Variants in SYNE2 observed in about 807,000 individuals in gnomAD.
SYNE2 encodes the protein spectrin repeat containing nuclear envelope protein 2, also known as nesprin-2.
In SYNE2, 431 loss-of-function variants were observed where a neutral mutation model predicts 856.3. The observed-to-expected ratio is 0.50, with a 90% CI of 0.47 to 0.55. The LOEUF is 0.55. Ranked by LOEUF, SYNE2 falls within the 20% of genes least tolerant of loss-of-function variation. SYNE2 has a pLI of 0.00. For synonymous variants in SYNE2, 2,923 were observed against 2,872.3 expected (o/e 1.02, Z -0.56); for missense variants, 8,129 against 8,023.2 (o/e 1.01, Z -0.50).
Position 63,993,819 on chromosome 14 carries a change from T to A in SYNE2, c.2647-16T>A. 1 of 718,598 alleles carries A rather than the reference T, an allele frequency of 1.4e-6. No individual in the cohort carries two copies. The highest frequency in any genetic ancestry group is 3.9e-5 in the Admixed American group (1 of 25,934). The allele number at this position is 718,598 out of a possible 1,614,324, so 44.5% of individuals were successfully genotyped here. ...GAGGCTTTTATGATTTTGTTTGCAA[T>A]TTTTTTTTTTTTTAGGAAGCACTAA... is the stretch of plus-strand genomic sequence containing the variant. On this transcript the variant is annotated splice_polypyrimidine_tract_variant and intron_variant, in intron 21 of 115. Transcript: ENST00000555002.
chr14:64,129,820 G>T lies in SYNE2; in HGVS notation c.14058G>T (p.Glu4686Asp). 1 of 1,614,182 alleles carries T rather than the reference G, an allele frequency of 6.2e-7. No individual in the cohort carries two copies. Among genetic ancestry groups the T allele is most frequent in the Non-Finnish European group, 8.5e-7 (1 of 1,180,022 alleles). The change falls in exon 75 of 116, where the codon GAG becomes GAT. Residue 4686 changes from glutamate to aspartate, a missense_variant. This residue lies in a region of SYNE2 where 5,410 missense variants were observed against 5,284.8 expected (regional missense o/e 1.02). Transcript: ENST00000555002. ...ATACAGTGGAGCTGGAGAACGCCGAGAGCCGAGTGGCCAAACTAAGAGATG... is the reference window on the plus strand; with the variant it reads ...ATACAGTGGAGCTGGAGAACGCCGATAGCCGAGTGGCCAAACTAAGAGATG... ...DAYTVELENA[E>D]SRVAKLRDEG...
chr14:63,882,031 C>T (rs2094877402), intron 1 of SYNE2, among the ~76,000 whole-genome samples: 1 of 152,116 alleles, frequency 6.6e-6, no homozygotes, highest in East Asian at 1.9e-4. Context: ...GTTTATTGGT[C>T]GTGCTTTGTG....
At chr14:63,819,285 G>A (rs1889124080) in intron 1 of SYNE2, among the ~76,000 whole-genome samples, 2 of 151,792 alleles carry the variant, frequency 1.3e-5, no homozygotes, top group Non-Finnish European at 2.9e-5. Flanking sequence ...AGGCCACAGT[G>A]CAATGGCATA....
In SYNE2 at chr14:64,220,547, A is replaced by C; in HGVS notation, c.19971A>C (p.Arg6657Ser). ...CCGAATCCACAGAGCTCCAAAGTAG[A>C]CTCCGCCAGCTGAGCCTGCTCTGGG... is the stretch of plus-strand genomic sequence containing the variant. Reference protein sequence around the residue: ...ESPESTELQSRLRQLSLLWEA... With the variant: ...ESPESTELQSSLRQLSLLWEA... The change falls in exon 111 of 116, where the codon AGA becomes AGC. Residue 6657 changes from arginine (R) to serine (S), a missense_variant. Arg to Ser is a moderately radical substitution (Grantham distance 110, BLOSUM62 -1). Transcript: ENST00000555002. The C allele has an allele frequency of 6.2e-7, 1 of 1,613,906 alleles. No homozygotes were observed. Among genetic ancestry groups the C allele is most frequent in the Non-Finnish European group, 8.5e-7 (1 of 1,179,986 alleles).
intron 1 of SYNE2, among the ~76,000 whole-genome samples, chr14:63,782,986 G>A (rs1002836961): frequency 2.6e-5 from 4 of 151,992 alleles, no homozygotes; most frequent in Non-Finnish European, 5.9e-5. Context: ...TAACATTAGC[G>A]ATATTGGGAC....
intron 98 of SYNE2, among the ~76,000 whole-genome samples, 174 bp from the exon 99 acceptor site, chr14:64,189,897 G>C (rs1048968055): frequency 6.6e-6 from 1 of 152,068 alleles, no homozygotes; most frequent in Non-Finnish European, 1.5e-5. Flanking sequence ...TCCTGGACTA[G>C]AGTGATCCTC....
At position 64,159,301 on chromosome 14, in the gene SYNE2, G is replaced by A. The variant is rs149407844; in HGVS notation, c.15964-11G>A. The A allele has an allele frequency of 2.5e-6, 4 of 1,613,712 alleles. No individual in the cohort carries two copies. In the South Asian group the frequency reaches 3.3e-5, roughly 13 times the overall value. On this transcript the variant is annotated splice_polypyrimidine_tract_variant and intron_variant, in intron 86 of 115. Transcript: ENST00000555002. ...ATTCTGAAACTTAAATTTCTTGTTTGTGTCTCTTAGTCTCTGCAAGATGAA... is the reference window on the plus strand; with the variant it reads ...ATTCTGAAACTTAAATTTCTTGTTTATGTCTCTTAGTCTCTGCAAGATGAA...
At chr14:64,222,678 A>T (rs1013787289) in intron 112 of SYNE2, among the ~76,000 whole-genome samples, 4 of 152,198 alleles carry the variant, frequency 2.6e-5, no homozygotes, top group African/African-American at 7.2e-5. Flanking sequence ...GTGAGCCCAG[A>T]TCGTGCCACT....
intron 57 of SYNE2, among the ~76,000 whole-genome samples, chr14:64,086,946 G>A (rs553523734): frequency 2.2e-4 from 33 of 151,708 alleles, no homozygotes; most frequent in African/African-American, 7.2e-4. Flanking sequence ...CTGACCTCAG[G>A]TGATCCACCC....
chr14:63,950,066 C>A, intron 7 of SYNE2, 60 bp downstream of exon 7: 1 of 1,550,624 alleles, frequency 6.4e-7, no homozygotes, highest in Non-Finnish European at 8.9e-7. Flanking sequence ...CCAACACCAC[C>A]TCACCACCCA....
At chr14:64,117,914 C>G (rs556389351) in intron 66 of SYNE2, among the ~76,000 whole-genome samples, 4 of 152,118 alleles carry the variant, frequency 2.6e-5, no homozygotes, top group Non-Finnish European at 5.9e-5. Context: ...TTTTATCACG[C>G]TACTCAGGTG....
intron 57 of SYNE2, chr14:64,085,132 G>A (rs762322103): frequency 1.6e-5 from 10 of 631,430 alleles, no homozygotes; most frequent in Non-Finnish European, 2.9e-5. Context: ...GAGTGCAGTG[G>A]CACAATGTCG....
intron 14 of SYNE2, among the ~76,000 whole-genome samples, chr14:63,980,336 A>G (rs575785435): frequency 8.3e-4 from 126 of 152,336 alleles, no homozygotes; most frequent in Non-Finnish European, 9.3e-4. Flanking sequence ...AATATTAAGG[A>G]AATGTGCAAA....
intron 83 of SYNE2, among the ~76,000 whole-genome samples, chr14:64,145,444 G>T (rs1005590226): frequency 1.1e-4 from 16 of 149,976 alleles, no homozygotes; most frequent in Non-Finnish European, 1.8e-4. Flanking sequence ...GGAGGTGGAG[G>T]TTGCAGTGAG....
In SYNE2 at chr14:63,862,754, G is replaced by A. The variant is rs1894080303; in HGVS notation, c.-52+9611G>A. On this transcript the variant is annotated intron_variant, in intron 1 of 115. Transcript: ENST00000555002. ...AGGAAGGTAGATATTAGGTTTTGGG[G>A]CAGTTTTTATTAGAAGGTTTTGGGG... Among the ~76,000 whole-genome samples, 4 of 151,806 alleles carry A rather than the reference G, an allele frequency of 2.6e-5. No homozygotes were observed. The South Asian group carries it at 6.2e-4, about 24-fold the overall frequency.
intron 34 of SYNE2, among the ~76,000 whole-genome samples, chr14:64,017,998 A>G (rs1283428244): frequency 2.0e-5 from 3 of 152,202 alleles, no homozygotes; most frequent in Non-Finnish European, 4.4e-5. Flanking sequence ...TGCTAGTATT[A>G]CGTATCACAA....
At chr14:64,028,981 C>T (rs960581660) in intron 43 of SYNE2, among the ~76,000 whole-genome samples, 8 of 151,968 alleles carry the variant, frequency 5.3e-5, no homozygotes, top group African/African-American at 1.9e-4. Context: ...ACTAAAAATA[C>T]AAAAATTAGC....
chr14:63,830,612 G>C (rs1040644562), intron 1 of SYNE2, among the ~76,000 whole-genome samples: 1 of 151,690 alleles, frequency 6.6e-6, no homozygotes, highest in African/African-American at 2.4e-5. Context: ...AGTGAACCAT[G>C]ATCATGCCAC....
At chr14:64,214,570 T>C in intron 106 of SYNE2, 100 bp downstream of exon 106, 2 of 1,226,176 alleles carry the variant, frequency 1.6e-6, no homozygotes, top group Non-Finnish European at 2.3e-6. Flanking sequence ...GAGTCCATCT[T>C]GTGGCCGACC....
Sources: gnomAD v4.1 joint callset for allele counts (sites outside exome capture counted in the v4.1 genomes callset) on GRCh38, gnomAD v4.1.1 for gene constraint, gnomAD v4.1.1 regional missense constraint, MANE v1.5 for transcripts, NCBI Gene and HGNC (gene_info 2026-07-23, HGNC 2026-07-21) for gene names.